The following ZDHHC15 variants were observed in gnomAD, a reference collection of about 807,000 sequenced individuals.
The protein encoded by ZDHHC15 is zDHHC palmitoyltransferase 15.
In ZDHHC15, 19 loss-of-function variants were observed where a neutral mutation model predicts 31.7. The observed-to-expected ratio is 0.60, with a 90% CI of 0.42 to 0.88. ZDHHC15 has a LOEUF of 0.88. Ranked by LOEUF, ZDHHC15 falls within the 40% of genes least tolerant of loss-of-function variation. The probability of loss-of-function intolerance (pLI) is 0.00; values close to 1 mark genes in which losing one functional copy is unlikely to be tolerated. For missense variants in ZDHHC15, 209 were observed against 251.2 expected, an observed-to-expected ratio of 0.83 and a Z score of 1.14; for synonymous variants, 103 against 90.0, an observed-to-expected ratio of 1.14 and a Z score of -0.82.
At chrX:75,507,905 T>C (rs2085192874) in intron 1 of ZDHHC15, among the ~76,000 whole-genome samples, 1 of 111,182 alleles carries the variant, frequency 9.0e-6, no homozygotes, top group African/African-American at 3.3e-5. Context: ...AATAGATGCA[T>C]ATTGTAGGGT....
chrX:75,386,870 G>T (rs769670299), intron 10 of ZDHHC15, among the ~76,000 whole-genome samples: 64 of 111,723 alleles, frequency 5.7e-4, no homozygotes, highest in Non-Finnish European at 1.2e-3. Flanking sequence ...ATGTACCCCG[G>T]GGCTTGATTG....
At position 75,417,141 on chromosome X, in the gene ZDHHC15, T is replaced by C; in HGVS notation, c.913A>G (p.Asn305Asp). The C allele has an allele frequency of 8.3e-7, 1 of 1,210,099 alleles. No homozygotes were observed. Among genetic ancestry groups the C allele is most frequent in the Non-Finnish European group, 1.1e-6 (1 of 894,320 alleles). The change falls in exon 10 of 12, where the codon AAC (asparagine) becomes GAC (aspartate). Residue 305 changes from asparagine to aspartate, a missense_variant. Transcript: ENST00000373367. ...GTTTCTTCATTTGCTAGCAGTGGGT[T>C]CTGTGACTCATTCATAGACCTCATA... ...FPMRSMNESQ[N>D]PLLANEETWE...
chrX:75,452,429 C>G (rs1055388583), intron 3 of ZDHHC15, among the ~76,000 whole-genome samples: 6 of 110,693 alleles, frequency 5.4e-5, no homozygotes, highest in African/African-American at 1.6e-4. Context: ...AGACTCCACA[C>G]AATAATAATG....
At chrX:75,422,939 A>G (rs991642375) in intron 8 of ZDHHC15, among the ~76,000 whole-genome samples, 3 of 93,583 alleles carry the variant, frequency 3.2e-5, no homozygotes, top group African/African-American at 7.8e-5. Flanking sequence ...ATATCTCCCA[A>G]TGCTATCCCT....
intron 4 of ZDHHC15, among the ~76,000 whole-genome samples, chrX:75,439,692 A>G (rs1328051268): frequency 1.8e-5 from 2 of 112,040 alleles, no homozygotes; most frequent in Non-Finnish European, 3.8e-5. Context: ...CTTGGTTTAG[A>G]TCCATTGCTT....
chrX:75,516,290 C>T (rs1200985679), intron 1 of ZDHHC15, among the ~76,000 whole-genome samples: 1 of 111,902 alleles, frequency 8.9e-6, no homozygotes, highest in Non-Finnish European at 1.9e-5. Flanking sequence ...CAATCCTAAG[C>T]CAAAAGAACA....
chrX:75,477,405 T>C (rs1449140135), intron 3 of ZDHHC15, among the ~76,000 whole-genome samples: 1 of 111,941 alleles, frequency 8.9e-6, no homozygotes, highest in Non-Finnish European at 1.9e-5. Context: ...CATTTCCTTA[T>C]TGACCTTCTG....
chrX:75,405,855 A>G, intron 10 of ZDHHC15, among the ~76,000 whole-genome samples: 1 of 112,429 alleles, frequency 8.9e-6, no homozygotes, highest in Non-Finnish European at 1.9e-5. Context: ...CAATTGCTAC[A>G]GAATATACAT....
At position 75,491,600 on chromosome X, in the gene ZDHHC15, G is replaced by A. The variant is rs1163347600; in HGVS notation, c.164-12615C>T. On this transcript the variant is annotated intron_variant, in intron 2 of 11. Transcript: ENST00000373367. ...TGTAACTAACCTGCACATTGTGCAC[G>A]TGTACCTTAAAACTTAAAGTATAAT... is the stretch of plus-strand genomic sequence containing the variant. 1.2e-4 allele frequency among the ~76,000 whole-genome samples: 13 copies of A among 109,625 alleles called. 1 individual carries two copies. The East Asian group carries it at 2.0e-3, about 17-fold the overall frequency.
At chrX:75,474,490 ATACT>A (rs749603257) in intron 3 of ZDHHC15, among the ~76,000 whole-genome samples, 34 of 102,015 alleles carry the variant, frequency 3.3e-4, no homozygotes, top group South Asian at 1.3e-3. Flanking sequence ...TACTTTTATT[ATACT>A]TACACTTTTA....
At chrX:75,491,642 A>T (rs1302873546) in intron 2 of ZDHHC15, among the ~76,000 whole-genome samples, 1 of 110,602 alleles carries the variant, frequency 9.0e-6, no homozygotes, top group Non-Finnish European at 1.9e-5. Flanking sequence ...AAAATAAAAG[A>T]AAAAAAAGAA....
At position 75,466,814 on chromosome X, in the gene ZDHHC15, G is replaced by C. The variant is rs191688333; in HGVS notation, c.258+12077C>G. ...AGGAACAGATAACCAAACACCATACGTTCTAACTTATAAGTGGGAGCTGAA... is the reference window on the plus strand; with the variant it reads ...AGGAACAGATAACCAAACACCATACCTTCTAACTTATAAGTGGGAGCTGAA... On this transcript the variant is annotated intron_variant, in intron 3 of 11. Transcript: ENST00000373367. Among the ~76,000 whole-genome samples, 5 of 105,021 alleles carry C rather than the reference G, an allele frequency of 4.8e-5. No homozygotes were observed. The Admixed American group carries it at 5.4e-4, about 11-fold the overall frequency. The allele number at this position is 105,021 out of a possible 115,157, so 91.2% of individuals were successfully genotyped here.
chrX:75,514,766 C>T (rs954839357), intron 1 of ZDHHC15, among the ~76,000 whole-genome samples: 1 of 111,239 alleles, frequency 9.0e-6, no homozygotes, highest in Non-Finnish European at 1.9e-5. Context: ...GTGGGTCTCA[C>T]GCCCATGGAG....
rs1426030076 is a variant in ZDHHC15 at position 75,370,614 on chromosome X, C to T, written c.*2364G>A. On this transcript the variant is annotated 3_prime_UTR_variant, in exon 12 of 12. Coordinates refer to ENST00000373367, the MANE Select transcript of ZDHHC15 (RefSeq NM_144969.3). ...TGGCACGATCTCAGCTCACCACAAC[C>T]TCTACCTCCCAGGTTCAAGCGATTC... 1.8e-5 allele frequency: 2 copies of T among 108,206 alleles called. No individual in the cohort carries two copies. Among genetic ancestry groups the T allele is most frequent in the South Asian group, 8.4e-4 (2 of 2,394 alleles). The allele number at this position is 108,206 out of a possible 1,213,427, so 8.9% of individuals were successfully genotyped here.
chrX:75,396,325 A>C (rs2083298635), intron 10 of ZDHHC15, among the ~76,000 whole-genome samples: 1 of 112,453 alleles, frequency 8.9e-6, no homozygotes, highest in South Asian at 3.7e-4. Context: ...CTGATTAAAA[A>C]TGGGCAAAAG....
intron 2 of ZDHHC15, among the ~76,000 whole-genome samples, chrX:75,496,876 A>G (rs918598314): frequency 3.6e-4 from 40 of 111,377 alleles, no homozygotes; most frequent in Non-Finnish European, 4.1e-4. Context: ...AATATTAAGC[A>G]TCTACATCAA....
chrX:75,417,158 G>T lies in ZDHHC15; in HGVS notation c.896C>A (p.Ser299Tyr). ...CAGTGGGTTCTGTGACTCATTCATA[G>T]ACCTCATAGGGAAGGAGTGTCCATC... ...PGDGHSFPMR[S>Y]MNESQNPLLA... The change falls in exon 10 of 12, where the codon TCT becomes TAT. Residue 299 changes from serine (S) to tyrosine (Y), a missense_variant. Coordinates refer to ENST00000373367, the MANE Select transcript of ZDHHC15 (RefSeq NM_144969.3). The T allele has an allele frequency of 8.3e-7, 1 of 1,208,025 alleles. No homozygotes were observed. The highest frequency in any genetic ancestry group is 1.8e-5 in the South Asian group (1 of 56,710).
At chrX:75,378,608 T>A (rs767766643) in intron 11 of ZDHHC15, among the ~76,000 whole-genome samples, 1 of 111,959 alleles carries the variant, frequency 8.9e-6, no homozygotes, top group Admixed American at 9.5e-5. Context: ...CGTCGAGCTT[T>A]TCACCAGGCC....
At chrX:75,412,713 G>A (rs2083499468) in intron 10 of ZDHHC15, among the ~76,000 whole-genome samples, 1 of 111,996 alleles carries the variant, frequency 8.9e-6, no homozygotes, top group Non-Finnish European at 1.9e-5. Context: ...TTACAGGTGT[G>A]AGCCACCACG....
Sources: allele counts gnomAD v4.1 joint callset (sites outside exome capture counted in the v4.1 genomes callset), GRCh38; gene constraint gnomAD v4.1.1; transcripts MANE v1.5; gene names NCBI Gene and HGNC (gene_info 2026-07-23, HGNC 2026-07-21).